Variants in ZC3H12B observed in about 807,000 individuals in gnomAD.
ZC3H12B encodes zinc finger CCCH-type containing 12B.
A neutral mutation model predicts 43.9 loss-of-function variants in ZC3H12B; 7 were observed. That is an observed-to-expected ratio of 0.16 (90% CI 0.09 to 0.30). The LOEUF is 0.30. ZC3H12B is among the 10% of genes least tolerant of loss of function. The pLI, the probability that ZC3H12B is intolerant of heterozygous loss-of-function variation, is 1.00. For missense variants in ZC3H12B, 475 were observed against 670.2 expected, an observed-to-expected ratio of 0.71 and a Z score of 3.22; for synonymous variants, 222 against 241.7, an observed-to-expected ratio of 0.92 and a Z score of 0.76.
At chrX:65,158,809 G>C in the ZC3H12B span, among the ~76,000 whole-genome samples, 1 of 111,742 alleles carries the variant, frequency 8.9e-6, no homozygotes, top group South Asian at 3.7e-4. Context: ...GGCTTTTGTT[G>C]CCATTGCTTT....
At chrX:65,117,141 T>G in the ZC3H12B span, among the ~76,000 whole-genome samples, 8 of 112,105 alleles carry the variant, frequency 7.1e-5, no homozygotes, top group Non-Finnish European at 1.5e-4. Flanking sequence ...CCACACTGTC[T>G]TCCACAATGG....
At chrX:65,227,319 G>C in the ZC3H12B span, among the ~76,000 whole-genome samples, 1 of 111,580 alleles carries the variant, frequency 9.0e-6, no homozygotes, top group East Asian at 2.8e-4. Flanking sequence ...AAATAAAGAT[G>C]TTCTTTGAAA....
At chrX:65,173,319 G>A in the ZC3H12B span, among the ~76,000 whole-genome samples, 1 of 111,777 alleles carries the variant, frequency 8.9e-6, no homozygotes, top group Admixed American at 9.6e-5. Flanking sequence ...AGGAGTTTTA[G>A]GGCTGAGATG....
At chrX:65,268,868 ATAGTAT>A in the ZC3H12B span, among the ~76,000 whole-genome samples, 2 of 112,418 alleles carry the variant, frequency 1.8e-5, no homozygotes, top group Non-Finnish European at 3.8e-5. Context: ...TCTATTTATC[ATAGTAT>A]TAGTAAGAGC....
At chrX:65,422,541 T>A (rs1345165034) in intron 3 of ZC3H12B, among the ~76,000 whole-genome samples, 6 of 111,208 alleles carry the variant, frequency 5.4e-5, no homozygotes, top group Non-Finnish European at 9.4e-5. Flanking sequence ...ATGTTTTATT[T>A]TTTTTTTTAT....
the ZC3H12B span, among the ~76,000 whole-genome samples, chrX:65,180,428 C>A: frequency 4.5e-5 from 5 of 110,741 alleles, no homozygotes; most frequent in Non-Finnish European, 9.5e-5. Context: ...GGAAGCATTT[C>A]TTTTGAAAAC....
chrX:65,449,615 T>A (rs1246155775), intron 3 of ZC3H12B, among the ~76,000 whole-genome samples: 1 of 109,993 alleles, frequency 9.1e-6, no homozygotes, highest in African/African-American at 3.3e-5. Flanking sequence ...TGAGACTCCA[T>A]CTCAAAAGAA....
intron 1 of ZC3H12B, among the ~76,000 whole-genome samples, chrX:65,492,214 T>C (rs1002797040): frequency 6.3e-5 from 7 of 111,936 alleles, no homozygotes; most frequent in Admixed American, 9.5e-5. Flanking sequence ...TAAGGCATTA[T>C]TGGGGACTTT....
the ZC3H12B span, among the ~76,000 whole-genome samples, chrX:65,154,956 A>G: frequency 1.8e-5 from 2 of 109,160 alleles, no homozygotes; most frequent in Admixed American, 2.0e-4. Context: ...TTCTATTTCT[A>G]GTTTGCTAAG....
chrX:65,273,365 G>T, the ZC3H12B span, among the ~76,000 whole-genome samples: 1 of 110,837 alleles, frequency 9.0e-6, no homozygotes, highest in Non-Finnish European at 1.9e-5. Context: ...CAGAAGAAAT[G>T]CCAGTGTAGT....
the ZC3H12B span, among the ~76,000 whole-genome samples, chrX:65,343,814 G>T: frequency 9.0e-6 from 1 of 111,457 alleles, no homozygotes; most frequent in African/African-American, 3.3e-5. Context: ...AGTATTGGAG[G>T]TTCTCACCAG....
chrX:65,262,851 C>T, the ZC3H12B span, among the ~76,000 whole-genome samples: 1 of 110,367 alleles, frequency 9.1e-6, no homozygotes, highest in African/African-American at 3.3e-5. Flanking sequence ...TTGCTAGATT[C>T]TCTTTCTCTC....
chrX:65,144,482 G>A, the ZC3H12B span, among the ~76,000 whole-genome samples: 1 of 111,298 alleles, frequency 9.0e-6, no homozygotes, highest in Non-Finnish European at 1.9e-5. Context: ...CTCCTGCTCC[G>A]ATCTTGGTTA....
the ZC3H12B span, chrX:65,357,102 A>T: frequency 1.9e-6 from 1 of 521,942 alleles, no homozygotes; most frequent in South Asian, 2.4e-5. Context: ...ACAAGCTCCA[A>T]AGGCTTCCTG....
the ZC3H12B span, among the ~76,000 whole-genome samples, chrX:65,055,380 G>T: frequency 1.8e-5 from 2 of 111,714 alleles, no homozygotes; most frequent in African/African-American, 3.3e-5. Context: ...TTATATGCTG[G>T]ATTACGTTTA....
intron 3 of ZC3H12B, among the ~76,000 whole-genome samples, chrX:65,439,589 A>G (rs2067275023): frequency 8.9e-6 from 1 of 112,062 alleles, no homozygotes; most frequent in African/African-American, 3.2e-5. Context: ...CAGATTTATT[A>G]TGGTAAATAC....
chrX:65,394,594 G>A (rs1484223096), intron 2 of ZC3H12B, among the ~76,000 whole-genome samples: 1 of 111,753 alleles, frequency 8.9e-6, no homozygotes, highest in East Asian at 2.8e-4. Context: ...ATGCTGTTTT[G>A]GTTACTGTAG....
At chrX:65,137,404 G>C in the ZC3H12B span, among the ~76,000 whole-genome samples, 6 of 111,970 alleles carry the variant, frequency 5.4e-5, no homozygotes, top group Non-Finnish European at 9.4e-5. Flanking sequence ...GCTTAAATTT[G>C]CTATCTCTGA....
chrX:65,329,054 G>A, the ZC3H12B span, among the ~76,000 whole-genome samples: 1 of 110,765 alleles, frequency 9.0e-6, no homozygotes, highest in Non-Finnish European at 1.9e-5. Context: ...AATCCTTTGA[G>A]TATACACCCA....
Sources: allele counts gnomAD v4.1 joint callset (sites outside exome capture counted in the v4.1 genomes callset), GRCh38; gene constraint gnomAD v4.1.1; transcripts MANE v1.5; gene names NCBI Gene and HGNC (gene_info 2026-07-23, HGNC 2026-07-21).